The following ASCC1 variants were observed in gnomAD, a reference collection of about 807,000 sequenced individuals.
The protein encoded by ASCC1 is activating signal cointegrator 1 complex subunit 1.
A neutral mutation model predicts 46.6 loss-of-function variants in ASCC1; 35 were observed. The observed-to-expected ratio is 0.75, with a 90% CI of 0.57 to 0.99. The LOEUF (loss-of-function observed/expected upper bound fraction) is 0.99, where lower values mean the gene tolerates loss of function less well. Among genes scored for constraint, ASCC1 ranks in the 50% least tolerant of loss-of-function variants. ASCC1 has a pLI of 0.00. For synonymous variants in ASCC1, 143 were observed against 146.6 expected, an observed-to-expected ratio of 0.98 and a Z score of 0.18; for missense variants, 376 against 428.7, an observed-to-expected ratio of 0.88 and a Z score of 1.09.
intron 6 of ASCC1, among the ~76,000 whole-genome samples, chr10:72,153,794 G>A (rs550183207): frequency 2.7e-5 from 4 of 148,806 alleles, no homozygotes; most frequent in East Asian, 2.0e-4. Context: ...GCACGATCTC[G>A]GATTGCAACC....
At chr10:72,203,843 T>C (rs915395041) in intron 3 of ASCC1, among the ~76,000 whole-genome samples, 1 of 152,132 alleles carries the variant, frequency 6.6e-6, no homozygotes, top group African/African-American at 2.4e-5. Context: ...GGCCAGCAGG[T>C]GCAGTGGCTC....
At chr10:72,138,344 T>C (rs1181967152) in intron 7 of ASCC1, among the ~76,000 whole-genome samples, 1 of 152,216 alleles carries the variant, frequency 6.6e-6, no homozygotes, top group Non-Finnish European at 1.5e-5. Context: ...CATGAAATAC[T>C]GGAGTAAGTA....
chr10:72,110,004 G>T (rs1842753996), intron 9 of ASCC1, among the ~76,000 whole-genome samples: 1 of 152,196 alleles, frequency 6.6e-6, no homozygotes, highest in Admixed American at 6.5e-5. Context: ...CAGGGCATGG[G>T]TATTACTGCT....
At position 72,213,222 on chromosome 10, in the gene ASCC1, T is replaced by C. The variant is rs1253192156; in HGVS notation, c.77A>G (p.Tyr26Cys). ...GTCCTCTTCATCTTCTTCATGTTGA[T>C]AGGTCTGTTCTTGGACTGGATTCTT... ...YRKNPVQEQT[Y>C]QHEEDEEDFY... is the part of the protein sequence containing the mutation. Residue 26 changes from tyrosine (Y) to cysteine (C), a missense_variant, in exon 2 of 10, where the codon TAT becomes TGT. Transcript: ENST00000672957. 3.1e-6 allele frequency: 5 copies of C among 1,613,924 alleles called. No individual in the cohort carries two copies. In the Admixed American group the frequency reaches 5.0e-5, roughly 16 times the overall value.
chr10:72,156,964 G>C (rs1246973282), intron 6 of ASCC1, among the ~76,000 whole-genome samples: 1 of 152,078 alleles, frequency 6.6e-6, no homozygotes, highest in African/African-American at 2.4e-5. Context: ...CTCTCAGTGT[G>C]AAACTAGTAA....
rs1425775917 is a variant in ASCC1 at position 72,127,974 on chromosome 10, A to G, written c.957+108T>C. On this transcript the variant is annotated intron_variant, in intron 9 of 9. Coordinates refer to ENST00000672957, the MANE Select transcript of ASCC1 (RefSeq NM_001198800.3). ...TAGATAATTAAAAAAAAAAAGTATGAGAAAAAGTATGAAGAAGTATGAAGA... is the reference window on the plus strand; with the variant it reads ...TAGATAATTAAAAAAAAAAAGTATGGGAAAAAGTATGAAGAAGTATGAAGA... 3.3e-6 allele frequency: 3 copies of G among 908,468 alleles called. No homozygotes were observed. The African/African-American group carries it at 5.0e-5, about 15-fold the overall frequency. The allele number at this position is 908,468 out of a possible 1,614,324, so 56.3% of individuals were successfully genotyped here.
intron 8 of ASCC1, 119 bp from the exon 9 acceptor site, chr10:72,128,286 T>C: frequency 2.5e-6 from 2 of 804,224 alleles, no homozygotes; most frequent in Admixed American, 1.9e-5. Context: ...GAAAGTGGCA[T>C]AATGAAGAGG....
At chr10:72,119,808 A>C (rs1215523067) in intron 9 of ASCC1, among the ~76,000 whole-genome samples, 2 of 152,204 alleles carry the variant, frequency 1.3e-5, no homozygotes, top group Non-Finnish European at 2.9e-5. Context: ...TGGAATTATC[A>C]TACTGGGAAC....
chr10:72,168,683 G>C (rs1409975588), intron 5 of ASCC1, among the ~76,000 whole-genome samples: 1 of 152,168 alleles, frequency 6.6e-6, no homozygotes, highest in Non-Finnish European at 1.5e-5. Flanking sequence ...GGCCATAAGG[G>C]TGGGGTCCTA....
intron 9 of ASCC1, among the ~76,000 whole-genome samples, chr10:72,118,722 T>A (rs762736257): frequency 2.8e-4 from 42 of 151,104 alleles, no homozygotes; most frequent in Non-Finnish European, 3.2e-4. Context: ...GATGCTGCAG[T>A]GAGCCAAGAT....
chr10:72,190,306 A>G, intron 5 of ASCC1: 1 of 847,044 alleles, frequency 1.2e-6, no homozygotes, highest in Non-Finnish European at 2.0e-6. Flanking sequence ...ATTTAGATCT[A>G]TGACTTAAAT....
At chr10:72,187,422 T>C (rs1464144292) in intron 5 of ASCC1, among the ~76,000 whole-genome samples, 1 of 146,976 alleles carries the variant, frequency 6.8e-6, no homozygotes, top group African/African-American at 2.5e-5. Context: ...GCTAACACAG[T>C]GAAACCCCTT....
chr10:72,189,430 AT>A (rs1211971707), intron 5 of ASCC1, among the ~76,000 whole-genome samples: 5 of 151,952 alleles, frequency 3.3e-5, no homozygotes, highest in African/African-American at 4.8e-5. Flanking sequence ...AAATAAAAAA[AT>A]ATTTGGAGAA....
rs778919046 is a variant in ASCC1 at position 72,203,476 on chromosome 10, C to G, written c.261G>C (p.Glu87Asp). The G allele has an allele frequency of 1.2e-6, 2 of 1,613,544 alleles. No homozygotes were observed. The highest frequency in any genetic ancestry group is 8.5e-7 in the Non-Finnish European group (1 of 1,179,646). ...TAGGAATGCTAATAGAAGTTTTGGT[C>G]TCCATTTCTATTTTCTTCCTAGTGT... ...RGDTRKKIEM[E>D]TKTSISIPKP... The change falls in exon 4 of 10, where the codon GAG becomes GAC. Residue 87 changes from glutamate (E) to aspartate (D), a missense_variant. By Grantham distance (45) the Glu-to-Asp change is conservative (BLOSUM62 2). Coordinates refer to ENST00000672957, the MANE Select transcript of ASCC1 (RefSeq NM_001198800.3).
At chr10:72,156,940 T>G (rs1056220822) in intron 6 of ASCC1, among the ~76,000 whole-genome samples, 1 of 152,112 alleles carries the variant, frequency 6.6e-6, no homozygotes, top group Non-Finnish European at 1.5e-5. Context: ...TATTATTGCA[T>G]AAGACCAAAA....
intron 9 of ASCC1, among the ~76,000 whole-genome samples, chr10:72,099,873 C>G (rs1841537169): frequency 6.6e-6 from 1 of 152,060 alleles, no homozygotes; most frequent in South Asian, 2.1e-4. Context: ...ACCTTGTGTG[C>G]TCACTGAGCA....
At chr10:72,195,290 C>T (rs1855233677) in intron 5 of ASCC1, among the ~76,000 whole-genome samples, 1 of 151,592 alleles carries the variant, frequency 6.6e-6, no homozygotes, top group Admixed American at 6.6e-5. Context: ...TGACTACAAG[C>T]ACACACCATC....
intron 9 of ASCC1, among the ~76,000 whole-genome samples, chr10:72,112,652 TG>T (rs1284495157): frequency 4.0e-5 from 6 of 151,808 alleles, no homozygotes; most frequent in African/African-American, 1.5e-4. Flanking sequence ...GAGGCCCAGG[TG>T]GGTGGATCAC....
chr10:72,205,034 T>TC (rs1857004671), intron 3 of ASCC1, among the ~76,000 whole-genome samples: 1 of 152,230 alleles, frequency 6.6e-6, no homozygotes, highest in African/African-American at 2.4e-5. Context: ...ATAACCACTG[T>TC]AAGCCTACTT....
Sources: allele counts gnomAD v4.1 joint callset (sites outside exome capture counted in the v4.1 genomes callset), GRCh38; gene constraint gnomAD v4.1.1; transcripts MANE v1.5; gene names NCBI Gene and HGNC (gene_info 2026-07-23, HGNC 2026-07-21).